Variants in TENM2 observed in about 807,000 individuals in gnomAD.
The protein encoded by TENM2 is teneurin transmembrane protein 2.
In TENM2, 52 loss-of-function variants were observed where a neutral mutation model predicts 245.2. That is an observed-to-expected ratio of 0.21 (90% CI 0.17 to 0.27). The LOEUF (loss-of-function observed/expected upper bound fraction) is 0.27, where lower values mean the gene tolerates loss of function less well. Among genes scored for constraint, TENM2 ranks in the 10% least tolerant of loss-of-function variants. TENM2 has a pLI of 1.00. For missense variants in TENM2, 3,046 were observed against 3,666.8 expected (o/e 0.83, Z 4.37); for synonymous variants, 1,363 against 1,438.9 (o/e 0.95, Z 1.19).
intron 3 of TENM2, among the ~76,000 whole-genome samples, chr5:167,877,564 G>T (rs1419588774): frequency 2.6e-5 from 4 of 152,098 alleles, no homozygotes; most frequent in African/African-American, 9.7e-5. Flanking sequence ...TGGGGTGATT[G>T]GTTTATCATT....
intron 2 of TENM2, among the ~76,000 whole-genome samples, chr5:167,638,278 A>G (rs1273612199): frequency 6.6e-6 from 1 of 152,198 alleles, no homozygotes; most frequent in African/African-American, 2.4e-5. Context: ...ACTTACCAAA[A>G]GCTGATCTGA....
intron 9 of TENM2, among the ~76,000 whole-genome samples, chr5:168,112,611 G>GGGGC (rs890159564): frequency 1.5e-5 from 2 of 129,146 alleles, no homozygotes; most frequent in African/African-American, 2.9e-5. Context: ...GTGGGCGGGG[G>GGGGC]GGGGGTCAAA....
At chr5:167,230,632 C>T in the TENM2 span, among the ~76,000 whole-genome samples, 31 of 152,088 alleles carry the variant, frequency 2.0e-4, no homozygotes, top group African/African-American at 6.7e-4. Flanking sequence ...ATTTTATCCC[C>T]CCAAATTTTG....
intron 2 of TENM2, among the ~76,000 whole-genome samples, chr5:167,778,948 C>G (rs1763995099): frequency 1.3e-5 from 2 of 152,212 alleles, no homozygotes; most frequent in African/African-American, 2.4e-5. Context: ...TTGCTCTCTA[C>G]TTAGCCCTTG....
chr5:167,603,610 G>A (rs191677911), intron 2 of TENM2, among the ~76,000 whole-genome samples: 98 of 152,300 alleles, frequency 6.4e-4, no homozygotes, highest in Middle Eastern at 6.8e-3. Context: ...GAACCCAAGA[G>A]TTCCAGGCTG....
chr5:167,153,174 T>C, the TENM2 span, among the ~76,000 whole-genome samples: 6 of 151,734 alleles, frequency 4.0e-5, no homozygotes, highest in African/African-American at 1.5e-4. Flanking sequence ...ACTGACCTCC[T>C]ACACAAGTGA....
At chr5:167,452,818 T>A (rs1339534526) in intron 2 of TENM2, among the ~76,000 whole-genome samples, 1 of 150,506 alleles carries the variant, frequency 6.6e-6, no homozygotes, top group East Asian at 2.0e-4. Flanking sequence ...CATTAGGAGA[T>A]ATACCTAATG....
intron 2 of TENM2, among the ~76,000 whole-genome samples, chr5:167,712,003 T>C (rs1414226416): frequency 6.6e-6 from 1 of 152,220 alleles, no homozygotes; most frequent in African/African-American, 2.4e-5. Flanking sequence ...ATCCTTATCA[T>C]ATCTATGAAA....
the TENM2 span, among the ~76,000 whole-genome samples, chr5:167,230,185 C>G: frequency 1.3e-5 from 2 of 152,128 alleles, no homozygotes; most frequent in African/African-American, 4.8e-5. Flanking sequence ...TGTCTCTGAA[C>G]AGTTTCCAGG....
At chr5:168,239,371 T>C (rs1002713678) in intron 25 of TENM2, among the ~76,000 whole-genome samples, 8 of 152,208 alleles carry the variant, frequency 5.3e-5, no homozygotes, top group African/African-American at 1.9e-4. Flanking sequence ...AAAATCCCAT[T>C]GTCCCAGGGA....
At chr5:167,902,519 C>G (rs1449007671) in intron 3 of TENM2, among the ~76,000 whole-genome samples, 1 of 152,172 alleles carries the variant, frequency 6.6e-6, no homozygotes, top group African/African-American at 2.4e-5. Flanking sequence ...CACTTCCTAA[C>G]TCACTTCCTG....
chr5:167,166,091 T>G, the TENM2 span, among the ~76,000 whole-genome samples: 1 of 152,188 alleles, frequency 6.6e-6, no homozygotes, highest in Non-Finnish European at 1.5e-5. Flanking sequence ...TAGGGAAAGC[T>G]TTTGTGAATG....
chr5:168,164,956 G>A (rs897959679), intron 13 of TENM2, among the ~76,000 whole-genome samples: 2 of 152,186 alleles, frequency 1.3e-5, no homozygotes, highest in Non-Finnish European at 2.9e-5. Context: ...CCAGAGCAGG[G>A]TGGAATCCAT....
the TENM2 span, among the ~76,000 whole-genome samples, chr5:167,189,245 G>T: frequency 6.6e-6 from 1 of 152,216 alleles, no homozygotes; most frequent in East Asian, 1.9e-4. Flanking sequence ...CACTCATAGT[G>T]TGAAAAAGAC....
intron 2 of TENM2, among the ~76,000 whole-genome samples, chr5:167,856,947 ATATT>A (rs1255523084): frequency 1.3e-5 from 2 of 152,246 alleles, no homozygotes; most frequent in African/African-American, 2.4e-5. Flanking sequence ...TTGTCAACAA[ATATT>A]TATTAATCAC....
At chr5:167,438,355 T>C (rs1178007097) in intron 2 of TENM2, among the ~76,000 whole-genome samples, 1 of 152,226 alleles carries the variant, frequency 6.6e-6, no homozygotes, top group Non-Finnish European at 1.5e-5. Context: ...CACAGACATA[T>C]ACACAAAACA....
chr5:167,385,435 C>T (rs1200696236), intron 2 of TENM2, among the ~76,000 whole-genome samples: 1 of 147,144 alleles, frequency 6.8e-6, no homozygotes, highest in Non-Finnish European at 1.5e-5. Context: ...TTACATTCAT[C>T]TTTATTGTAT....
chr5:167,810,781 A>C (rs1021451366), intron 2 of TENM2, among the ~76,000 whole-genome samples: 1 of 152,278 alleles, frequency 6.6e-6, no homozygotes, highest in African/African-American at 2.4e-5. Context: ...ATTGCCATTA[A>C]AGCAAGCAGC....
rs143766288 is a variant in TENM2, at chr5:167,438,993, T to C, written c.502+63520T>C. ...TATTTTTAGTAGAAACGCGTTTCAC[T>C]ATGTTAGCCAGGCTAGTCTCAAACT... On this transcript the variant is annotated intron_variant, in intron 2 of 28. Transcript: ENST00000518659. Among the ~76,000 whole-genome samples the C allele has an allele frequency of 1.7e-4, 25 of 151,360 alleles. No individual in the cohort carries two copies. In the East Asian group the frequency reaches 5.0e-3, roughly 30 times the overall value.
Sources: allele counts gnomAD v4.1 joint callset (sites outside exome capture counted in the v4.1 genomes callset), GRCh38; gene constraint gnomAD v4.1.1; transcripts MANE v1.5; gene names NCBI Gene and HGNC (gene_info 2026-07-23, HGNC 2026-07-21).